Variants in LGALS8 observed in about 807,000 individuals in gnomAD.
LGALS8 encodes galectin-8.
A neutral mutation model predicts 35.9 loss-of-function variants in LGALS8; 30 were observed. The ratio of observed to expected loss-of-function variants is 0.83; its 90% confidence interval spans 0.62 to 1.13. The LOEUF (loss-of-function observed/expected upper bound fraction) is 1.13. Ranked by LOEUF, LGALS8 falls within the 50% of genes most tolerant of loss-of-function variation. The pLI is 0.00. For synonymous variants in LGALS8, 138 were observed against 136.1 expected, an observed-to-expected ratio of 1.01 and a Z score of -0.10; for missense variants, 366 against 388.7, an observed-to-expected ratio of 0.94 and a Z score of 0.49.
At chr1:236,530,696 C>T (rs1263917744) in intron 2 of LGALS8, among the ~76,000 whole-genome samples, 1 of 152,174 alleles carries the variant, frequency 6.6e-6, no homozygotes, top group Non-Finnish European at 1.5e-5. Context: ...TAACTTTTGC[C>T]TCCTCCCTTG....
chr1:236,518,824 T>C (rs141745797), upstream of LGALS8, among the ~76,000 whole-genome samples: 17 of 152,260 alleles, frequency 1.1e-4, no homozygotes, highest in East Asian at 2.7e-3. Flanking sequence ...GCACCGCTAT[T>C]TCATGGATGG....
chr1:236,542,721 C>T (rs1206007878), intron 6 of LGALS8, 40 bp from the exon 7 acceptor site: 3 of 1,601,276 alleles, frequency 1.9e-6, no homozygotes, highest in Non-Finnish European at 2.6e-6. Context: ...TATAATTCTT[C>T]CCCTTCTAAC....
Position 236,551,108 on chromosome 1 carries a change from A to C in LGALS8, c.*2947A>C. On this transcript the variant is annotated 3_prime_UTR_variant, in exon 10 of 10. Coordinates refer to ENST00000366584, the MANE Select transcript of LGALS8 (RefSeq NM_201544.4). Reference sequence around the variant, plus strand: ...CGGCAATCATTCAATCAAAAGAGTGAAATGAAGCACATTAACAAAGCAGGA... The same window carrying C: ...CGGCAATCATTCAATCAAAAGAGTGCAATGAAGCACATTAACAAAGCAGGA... 1.3e-6 allele frequency: 1 copy of C among 790,886 alleles called. No homozygotes were observed. The highest frequency in any genetic ancestry group is 1.9e-5 in the South Asian group (1 of 51,888). 49.0% of individuals were successfully genotyped at this position (790,886 alleles called of 1,614,324 possible).
intron 1 of LGALS8, among the ~76,000 whole-genome samples, chr1:236,524,941 C>T (rs911975235): frequency 2.6e-5 from 4 of 152,016 alleles, no homozygotes; most frequent in Admixed American, 1.3e-4. Flanking sequence ...TGTTGGTGTG[C>T]AGTATAATGA....
At position 236,544,951 on chromosome 1, in the gene LGALS8, A is replaced by G. The variant is rs1662272487; in HGVS notation, c.804+36A>G. The G allele has an allele frequency of 4.6e-6, 7 of 1,534,874 alleles. No individual in the cohort carries two copies. In the South Asian group the frequency reaches 8.4e-5, roughly 18 times the overall value. On this transcript the variant is annotated intron_variant, in intron 9 of 9. Transcript: ENST00000366584. ...AGTTTTTGAAAATGGGACAGCAATA[A>G]GAATCCTGGGAGCAGGGGTGGGATA...
rs60024224 is a variant in LGALS8 at position 236,537,021 on chromosome 1, C to CTTTTTTTTTT, written c.46-472_46-463dup. Among the ~76,000 whole-genome samples, 19 of 137,878 alleles carry CTTTTTTTTTT rather than the reference C, an allele frequency of 1.4e-4. 2 individuals are homozygous for CTTTTTTTTTT. Among genetic ancestry groups the CTTTTTTTTTT allele is most frequent in the African/African-American group, 4.4e-4 (15 of 34,454 alleles). The allele number at this position is 137,878 out of a possible 152,430, so 90.5% of individuals were successfully genotyped here. On this transcript the variant is annotated intron_variant, in intron 2 of 9. Transcript: ENST00000366584. ...ATCCTGGCCATGAGGTATGCAGTTC[C>CTTTTTTTTTT]TTTTTTTTTTTTTGAGACGGAGCCT...
At chr1:236,529,081 GCTTGAGCAACATAGTGAGACCTTGTCT>G (rs1660995812) in intron 2 of LGALS8, among the ~76,000 whole-genome samples, 1 of 152,088 alleles carries the variant, frequency 6.6e-6, no homozygotes, top group Non-Finnish European at 1.5e-5. Context: ...TTCAAGACCA[GCTTGAGCAACATAGTGAGACCTTGTCT>G]CTCTATAAAA....
rs767336869 is a variant in LGALS8, at chr1:236,549,677, C to T, written c.*1516C>T. The T allele has an allele frequency of 2.6e-5, 4 of 152,042 alleles. No homozygotes were observed. Among genetic ancestry groups the T allele is most frequent in the Admixed American group, 2.0e-4 (3 of 15,266 alleles). The allele number at this position is 152,042 out of a possible 1,614,324, so 9.4% of individuals were successfully genotyped here. ...GAAAGCTGTAGAAGGCAAGAAGACT[C>T]GAGAATCCCCCAGAGTTATTTTTCT... On this transcript the variant is annotated 3_prime_UTR_variant, in exon 10 of 10. Coordinates refer to ENST00000366584, the MANE Select transcript of LGALS8 (RefSeq NM_201544.4).
chr1:236,537,809 A>G (rs974914962), intron 3 of LGALS8, among the ~76,000 whole-genome samples: 1 of 151,702 alleles, frequency 6.6e-6, no homozygotes. Flanking sequence ...AAAAAATTAG[A>G]ACTATCAGCT....
chr1:236,544,619 G>T (rs967115123), intron 8 of LGALS8, 131 bp from the exon 9 acceptor site: 2 of 570,368 alleles, frequency 3.5e-6, no homozygotes, highest in East Asian at 5.9e-5. Context: ...GCATTCCCAT[G>T]TCCATGTGGA....
At chr1:236,545,407 C>CAGAT (rs1360721877) in intron 9 of LGALS8, among the ~76,000 whole-genome samples, 1 of 152,158 alleles carries the variant, frequency 6.6e-6, no homozygotes, top group Non-Finnish European at 1.5e-5. Context: ...CCTGAGTCCC[C>CAGAT]AGATAGGTGA....
chr1:236,548,249 T>TTGTTTATATTGTTAA lies in LGALS8; in HGVS notation c.*89_*103dup. ...TGAAACGCATCTCACTGTCATTCTA[T>TTGTTTATATTGTTAA]TGTTTATATTGTTAAAATGAGCTTG... is the stretch of plus-strand genomic sequence containing the variant. On this transcript the variant is annotated 3_prime_UTR_variant, in exon 10 of 10. Transcript: ENST00000366584. 4 of 1,165,426 alleles carry TTGTTTATATTGTTAA rather than the reference T, an allele frequency of 3.4e-6. No homozygotes were observed. The highest frequency in any genetic ancestry group is 4.9e-6 in the Non-Finnish European group (4 of 814,822). The allele number at this position is 1,165,426 out of a possible 1,614,324, so 72.2% of individuals were successfully genotyped here. A position where few individuals can be genotyped will look rare whatever the true frequency, so the allele number is the denominator to read the frequency against.
intron 2 of LGALS8, among the ~76,000 whole-genome samples, chr1:236,532,021 G>T (rs1661176924): frequency 6.6e-6 from 1 of 152,196 alleles, no homozygotes; most frequent in African/African-American, 2.4e-5. Context: ...AATGTGGACT[G>T]CCAGGGAAGC....
chr1:236,532,737 A>G (rs2103077931), intron 2 of LGALS8, among the ~76,000 whole-genome samples: 1 of 152,286 alleles, frequency 6.6e-6, no homozygotes. Context: ...CCAGCTATTC[A>G]GGAGGCTGAG....
intron 2 of LGALS8, among the ~76,000 whole-genome samples, chr1:236,534,293 C>G (rs1259548792): frequency 6.6e-6 from 1 of 152,142 alleles, no homozygotes; most frequent in Non-Finnish European, 1.5e-5. Context: ...GTGTCTGACT[C>G]TTAGGCTTCT....
At chr1:236,540,982 C>G (rs546755750) in intron 5 of LGALS8, among the ~76,000 whole-genome samples, 1 of 152,264 alleles carries the variant, frequency 6.6e-6, no homozygotes, top group African/African-American at 2.4e-5. Flanking sequence ...AGACAGGTTC[C>G]TAGGCTGGGA....
In LGALS8 at chr1:236,543,580, G is replaced by T; in HGVS notation, c.570G>T (p.Arg190Ser). 1 of 1,614,064 alleles carries T rather than the reference G, an allele frequency of 6.2e-7. No individual in the cohort carries two copies. Among genetic ancestry groups the T allele is most frequent in the Non-Finnish European group, 8.5e-7 (1 of 1,179,954 alleles). ...TPQLRLPFAA[R>S]LNTPMGPGRT... ...TTCAGAGGCTGCCATTCGCTGCAAG[G>T]TTGAACACCCCCATGGGCCCTGGAC... The change falls in exon 8 of 10, where the codon AGG becomes AGT. Residue 190 changes from arginine to serine, a missense_variant. Arg to Ser is a moderately radical substitution (Grantham distance 110). Coordinates refer to ENST00000366584, the MANE Select transcript of LGALS8 (RefSeq NM_201544.4).
Position 236,549,164 on chromosome 1 carries a change from C to G in LGALS8, c.*1003C>G, listed in dbSNP as rs1465501077. 5.1e-6 allele frequency: 2 copies of G among 395,176 alleles called. No homozygotes were observed. Among genetic ancestry groups the G allele is most frequent in the Admixed American group, 4.4e-5 (1 of 22,642 alleles). 24.5% of individuals were successfully genotyped at this position (395,176 alleles called of 1,614,324 possible). A position where few individuals can be genotyped will look rare whatever the true frequency, so the allele number is the denominator to read the frequency against. ...GTTTTGTTCCCATGAAATCACCAAT[C>G]AAGGCCTCCGTTCTTCTAAAGATTA... On this transcript the variant is annotated 3_prime_UTR_variant, in exon 10 of 10. Transcript: ENST00000366584.
intron 4 of LGALS8, chr1:236,539,370 A>C: frequency 2.3e-6 from 1 of 431,232 alleles, no homozygotes; most frequent in Non-Finnish European, 4.3e-6. Flanking sequence ...CCGAATTGAC[A>C]CAGTATTATG....
Sources: allele counts gnomAD v4.1 joint callset (sites outside exome capture counted in the v4.1 genomes callset), GRCh38; gene constraint gnomAD v4.1.1; transcripts MANE v1.5; gene names NCBI Gene and HGNC (gene_info 2026-07-23, HGNC 2026-07-21).